DPP10: variants seen among roughly 807,000 people sequenced by gnomAD.
DPP10 encodes dipeptidyl peptidase like 10.
A neutral mutation model predicts 120.9 loss-of-function variants in DPP10; 33 were observed. That is an observed-to-expected ratio of 0.27 (90% CI 0.21 to 0.37). The LOEUF (loss-of-function observed/expected upper bound fraction) is 0.37. DPP10 is among the 10% of genes least tolerant of loss of function. DPP10 has a pLI of 1.00. For missense variants in DPP10, 816 were observed against 942.8 expected (o/e 0.87, Z 1.76); for synonymous variants, 337 against 326.1 (o/e 1.03, Z -0.36).
chr2:115,765,043 CACTG>C (rs2149799368), intron 12 of DPP10, among the ~76,000 whole-genome samples: 1 of 152,188 alleles, frequency 6.6e-6, no homozygotes, highest in African/African-American at 2.4e-5. Flanking sequence ...GTGTCAAAAA[CACTG>C]ACTTGTATAA....
chr2:115,651,125 C>T (rs913116080), intron 5 of DPP10, among the ~76,000 whole-genome samples: 2 of 152,066 alleles, frequency 1.3e-5, no homozygotes, highest in African/African-American at 4.8e-5. Flanking sequence ...CTGAGTCTTG[C>T]TGTCTCTGTG....
chr2:115,292,698 G>A (rs1461165526), intron 1 of DPP10, among the ~76,000 whole-genome samples: 2 of 152,052 alleles, frequency 1.3e-5, no homozygotes, highest in Non-Finnish European at 2.9e-5. Flanking sequence ...TATTATTATT[G>A]TTGTTGTTAT....
chr2:114,897,283 A>G (rs1344403013), intron 1 of DPP10, among the ~76,000 whole-genome samples: 4 of 152,044 alleles, frequency 2.6e-5, no homozygotes, highest in East Asian at 1.9e-4. Flanking sequence ...CTCTTTTTCT[A>G]TTTATTGGAA....
At chr2:115,261,514 T>C (rs1377820628) in intron 1 of DPP10, among the ~76,000 whole-genome samples, 1 of 152,230 alleles carries the variant, frequency 6.6e-6, no homozygotes, top group African/African-American at 2.4e-5. Context: ...AGACTTTCTA[T>C]AATCCAATTT....
Position 115,187,932 on chromosome 2 carries a change from T to A in DPP10, c.61-121307T>A, listed in dbSNP as rs556647247. On this transcript the variant is annotated intron_variant, in intron 1 of 25. Transcript: ENST00000410059. ...TACTTGGGAGGCTGAGGTGGGAGTA[T>A]CTCCTGAGCCCTGAGAGGTCAAGGC... Among the ~76,000 whole-genome samples, 3 of 152,014 alleles carry A rather than the reference T, an allele frequency of 2.0e-5. No individual in the cohort carries two copies. In the South Asian group the frequency reaches 6.2e-4, roughly 32 times the overall value.
chr2:114,655,279 AGTATGGTT>A (rs1334220554), intron 1 of DPP10, among the ~76,000 whole-genome samples: 1 of 152,186 alleles, frequency 6.6e-6, no homozygotes, highest in East Asian at 1.9e-4. Context: ...TCAGGCAACC[AGTATGGTT>A]GGAAATAATA....
intron 19 of DPP10, among the ~76,000 whole-genome samples, chr2:115,807,242 T>C (rs2150004381): frequency 6.6e-6 from 1 of 152,318 alleles, no homozygotes; most frequent in African/African-American, 2.4e-5. Context: ...GATTGTACAT[T>C]CCTTCTATTT....
intron 1 of DPP10, among the ~76,000 whole-genome samples, chr2:114,753,992 A>G (rs1679494293): frequency 6.6e-6 from 1 of 152,106 alleles, no homozygotes; most frequent in South Asian, 2.1e-4. Flanking sequence ...CTATGAAGAG[A>G]AAATAGTGTG....
chr2:115,842,386 C>G lies in DPP10; in HGVS notation c.*41C>G. On this transcript the variant is annotated 3_prime_UTR_variant, in exon 26 of 26. Transcript: ENST00000410059. ...CAGAACTGAAGGGAATATTGAGGCT[C>G]AATGAAACCTGACAAAGAGACTGTA... is the stretch of plus-strand genomic sequence containing the variant. 2 of 1,582,996 alleles carry G rather than the reference C, an allele frequency of 1.3e-6. No homozygotes were observed. Among genetic ancestry groups the G allele is most frequent in the Non-Finnish European group, 1.7e-6 (2 of 1,160,380 alleles).
intron 1 of DPP10, among the ~76,000 whole-genome samples, chr2:114,676,207 T>A (rs532135236): frequency 5.5e-4 from 83 of 152,264 alleles, no homozygotes; most frequent in African/African-American, 2.0e-3. Flanking sequence ...GGGGAACAAT[T>A]TGAGACAATG....
chr2:114,725,936 A>C (rs1250183587), intron 1 of DPP10, among the ~76,000 whole-genome samples: 1 of 152,194 alleles, frequency 6.6e-6, no homozygotes, highest in African/African-American at 2.4e-5. Flanking sequence ...TGATTTCAGC[A>C]AAAGTTCTTC....
chr2:114,748,287 A>C (rs567612928), intron 1 of DPP10, among the ~76,000 whole-genome samples: 113 of 150,830 alleles, frequency 7.5e-4, no homozygotes, highest in African/African-American at 2.5e-3. Flanking sequence ...ACCCGTGAGA[A>C]ACATGCATCT....
chr2:115,830,284 G>C (rs1688786459), intron 21 of DPP10, among the ~76,000 whole-genome samples: 1 of 150,252 alleles, frequency 6.7e-6, no homozygotes, highest in Non-Finnish European at 1.5e-5. Context: ...CTTGAACCCA[G>C]TAGGTGGAGT....
chr2:115,002,202 C>T (rs1701488850), intron 1 of DPP10, among the ~76,000 whole-genome samples: 1 of 151,844 alleles, frequency 6.6e-6, no homozygotes, highest in African/African-American at 2.4e-5. Flanking sequence ...GACACAGAGA[C>T]CAATGCAACA....
intron 5 of DPP10, among the ~76,000 whole-genome samples, chr2:115,622,082 G>C (rs1030194089): frequency 1.6e-4 from 24 of 152,074 alleles, no homozygotes; most frequent in African/African-American, 5.8e-4. Context: ...TTATAGAGTT[G>C]TGCATCATCG....
intron 5 of DPP10, among the ~76,000 whole-genome samples, chr2:115,587,230 T>G (rs2082351495): frequency 6.6e-6 from 1 of 151,810 alleles, no homozygotes; most frequent in Non-Finnish European, 1.5e-5. Context: ...CCCGAGTAGC[T>G]GGGACAACAG....
At chr2:115,511,715 TC>T (rs2077232622) in intron 4 of DPP10, among the ~76,000 whole-genome samples, 1 of 128,138 alleles carries the variant, frequency 7.8e-6, no homozygotes, top group African/African-American at 3.2e-5. Context: ...TTCTTCTTCT[TC>T]TTCTTCTTCT....
chr2:115,836,614 A>C, intron 23 of DPP10, 49 bp downstream of exon 23: 1 of 1,608,964 alleles, frequency 6.2e-7, no homozygotes, highest in Admixed American at 1.7e-5. Context: ...TTGTTCTAAA[A>C]AATTAGTTAA....
intron 1 of DPP10, among the ~76,000 whole-genome samples, chr2:114,730,893 C>CT (rs538525964): frequency 2.9e-4 from 43 of 147,694 alleles, no homozygotes; most frequent in African/African-American, 5.0e-4. Flanking sequence ...CCTGGTCCAG[C>CT]TTTTTTTTTT....
Sources: allele counts gnomAD v4.1 joint callset (sites outside exome capture counted in the v4.1 genomes callset), GRCh38; gene constraint gnomAD v4.1.1; transcripts MANE v1.5; gene names NCBI Gene and HGNC (gene_info 2026-07-23, HGNC 2026-07-21).